Variants in LRRTM4 observed in about 807,000 individuals in gnomAD.
LRRTM4 encodes leucine rich repeat transmembrane neuronal 4, also known as leucine-rich repeat transmembrane neuronal protein 4.
A neutral mutation model predicts 47.6 loss-of-function variants in LRRTM4; 25 were observed. The observed-to-expected ratio is 0.53, with a 90% confidence interval of 0.38 to 0.73. The LOEUF is 0.73. LRRTM4 is among the 30% of genes least tolerant of loss of function. The pLI is 0.00. For missense variants in LRRTM4, 638 were observed against 713.4 expected (o/e 0.89, Z 1.20); for synonymous variants, 311 against 269.5 (o/e 1.15, Z -1.51).
intron 3 of LRRTM4, among the ~76,000 whole-genome samples, chr2:77,250,891 G>A (rs1321041846): frequency 6.6e-6 from 1 of 152,070 alleles, no homozygotes; most frequent in Non-Finnish European, 1.5e-5. Flanking sequence ...ATCACCTGAG[G>A]TGGGGAGTTC....
intron 3 of LRRTM4, among the ~76,000 whole-genome samples, chr2:76,798,200 G>C (rs996513452): frequency 1.3e-5 from 2 of 152,054 alleles, no homozygotes; most frequent in Admixed American, 6.5e-5. Context: ...ATACTTGGAA[G>C]TAAAGCTCTC....
chr2:77,499,903 C>T (rs536798307), intron 3 of LRRTM4, among the ~76,000 whole-genome samples: 1 of 151,648 alleles, frequency 6.6e-6, no homozygotes, highest in Non-Finnish European at 1.5e-5. Context: ...AAAAATTTGC[C>T]CTTAAAGTAT....
intron 3 of LRRTM4, among the ~76,000 whole-genome samples, chr2:77,043,602 T>A (rs1252546669): frequency 6.6e-6 from 1 of 151,802 alleles, no homozygotes; most frequent in East Asian, 1.9e-4. Context: ...GAGAAAGAGT[T>A]AAGCAAGTGC....
chr2:76,911,380 C>T (rs1674049723), intron 3 of LRRTM4, among the ~76,000 whole-genome samples: 2 of 152,294 alleles, frequency 1.3e-5, no homozygotes, highest in Non-Finnish European at 2.9e-5. Context: ...TCCTGGACAG[C>T]CAAGAACAGT....
At chr2:77,310,863 T>C (rs745465900) in intron 3 of LRRTM4, among the ~76,000 whole-genome samples, 1 of 152,070 alleles carries the variant, frequency 6.6e-6, no homozygotes, top group Non-Finnish European at 1.5e-5. Context: ...CACACACATA[T>C]ATATTTAGAG....
chr2:77,175,798 C>G (rs1372768941), intron 3 of LRRTM4, among the ~76,000 whole-genome samples: 1 of 151,888 alleles, frequency 6.6e-6, no homozygotes, highest in Non-Finnish European at 1.5e-5. Flanking sequence ...GATGTTGGTT[C>G]TGATCACCTC....
intron 3 of LRRTM4, among the ~76,000 whole-genome samples, chr2:76,906,795 A>G (rs1221800023): frequency 1.3e-5 from 2 of 151,382 alleles, no homozygotes; most frequent in Admixed American, 6.6e-5. Context: ...AAGAAGAGCT[A>G]ACTATCCTAA....
chr2:77,011,896 T>C (rs1677889624), intron 3 of LRRTM4, among the ~76,000 whole-genome samples: 1 of 152,114 alleles, frequency 6.6e-6, no homozygotes, highest in African/African-American at 2.4e-5. Context: ...ATTCACGTGG[T>C]TGAGACCTCA....
chr2:76,781,744 G>A (rs557286867), intron 3 of LRRTM4, among the ~76,000 whole-genome samples: 6 of 152,290 alleles, frequency 3.9e-5, no homozygotes, highest in East Asian at 1.9e-4. Context: ...GCTATAGACC[G>A]GAGCTGTTCC....
intron 3 of LRRTM4, among the ~76,000 whole-genome samples, chr2:77,452,593 C>T (rs1262026910): frequency 6.6e-6 from 1 of 152,208 alleles, no homozygotes; most frequent in African/African-American, 2.4e-5. Flanking sequence ...CTGCACGTGA[C>T]ACAGGGTCCT....
At chr2:76,961,772 G>C (rs1675868685) in intron 3 of LRRTM4, among the ~76,000 whole-genome samples, 1 of 151,128 alleles carries the variant, frequency 6.6e-6, no homozygotes, top group South Asian at 2.1e-4. Context: ...CCAGGCTCTA[G>C]GTGATACATA....
rs72622647 is a variant in LRRTM4, at chr2:77,035,048, T to C, written c.1552-286132A>G. Among the ~76,000 whole-genome samples the C allele has an allele frequency of 0.016, 2,440 of 151,912 alleles. 100 individuals carry two copies. The East Asian group carries it at 0.17, about 10-fold the overall frequency. ...TTTAAAAAATAATCTTTTATTTTTA[T>C]TATTTTTTTTCTTAATTATTGTTTT... is the stretch of plus-strand genomic sequence containing the variant. On this transcript the variant is annotated intron_variant, in intron 3 of 3. Coordinates refer to ENST00000409884, the MANE Select transcript of LRRTM4 (RefSeq NM_001134745.3).
intron 3 of LRRTM4, among the ~76,000 whole-genome samples, chr2:76,757,063 C>A (rs1673056369): frequency 6.6e-6 from 1 of 151,866 alleles, no homozygotes. Flanking sequence ...AAAAGGAAAA[C>A]AAGAAGACAG....
At chr2:77,153,565 C>T (rs749412328) in intron 3 of LRRTM4, among the ~76,000 whole-genome samples, 1 of 152,124 alleles carries the variant, frequency 6.6e-6, no homozygotes, top group Non-Finnish European at 1.5e-5. Flanking sequence ...ACTTAAAGGG[C>T]CACATGCCTT....
At chr2:76,986,026 C>T (rs1427536579) in intron 3 of LRRTM4, 1 of 151,996 alleles carries the variant, frequency 6.6e-6, no homozygotes, top group Non-Finnish European at 1.5e-5. Flanking sequence ...CTTCCATTCG[C>T]ATTGTAACTT....
intron 3 of LRRTM4, among the ~76,000 whole-genome samples, chr2:76,821,981 T>C (rs1316587123): frequency 6.6e-6 from 1 of 151,620 alleles, no homozygotes; most frequent in African/African-American, 2.4e-5. Flanking sequence ...AGTTAATCTA[T>C]GTTTGTTTTG....
At chr2:77,361,488 T>A (rs1672209512) in intron 3 of LRRTM4, among the ~76,000 whole-genome samples, 1 of 152,188 alleles carries the variant, frequency 6.6e-6, no homozygotes, top group Non-Finnish European at 1.5e-5. Context: ...AGACAAATTA[T>A]AATGCTCAAA....
At chr2:77,291,434 C>T (rs1252735275) in intron 3 of LRRTM4, among the ~76,000 whole-genome samples, 3 of 151,998 alleles carry the variant, frequency 2.0e-5, no homozygotes, top group Non-Finnish European at 4.4e-5. Flanking sequence ...TTCAAAAGCA[C>T]ATTTCAAAAC....
intron 3 of LRRTM4, among the ~76,000 whole-genome samples, chr2:76,983,503 T>TGTAA (rs1161793673): frequency 6.6e-6 from 1 of 152,030 alleles, no homozygotes; most frequent in Non-Finnish European, 1.5e-5. Flanking sequence ...CCTGTCACCA[T>TGTAA]GTAAGACATG....
Sources: gnomAD v4.1 joint callset for allele counts (sites outside exome capture counted in the v4.1 genomes callset) on GRCh38, gnomAD v4.1.1 for gene constraint, MANE v1.5 for transcripts, NCBI Gene and HGNC (gene_info 2026-07-23, HGNC 2026-07-21) for gene names.